The following RIMKLB variants were observed in gnomAD, a reference collection of about 807,000 sequenced individuals.
The protein encoded by RIMKLB is beta-citrylglutamate synthase B.
A neutral mutation model predicts 32.0 loss-of-function variants in RIMKLB; 7 were observed. That is an observed-to-expected ratio of 0.22 (90% CI 0.12 to 0.41). The LOEUF is 0.41. Ranked by LOEUF, RIMKLB falls within the 10% of genes least tolerant of loss-of-function variation. The pLI, the probability that RIMKLB is intolerant of heterozygous loss-of-function variation, is 1.00. For synonymous variants in RIMKLB, 172 were observed against 185.1 expected (o/e 0.93, Z 0.57); for missense variants, 289 against 498.7 (o/e 0.58, Z 4.00).
intron 2 of RIMKLB, among the ~76,000 whole-genome samples, chr12:8,740,330 T>C (rs1367396418): frequency 2.6e-5 from 4 of 152,264 alleles, no homozygotes; most frequent in African/African-American, 7.2e-5. Context: ...ATGGTCATTA[T>C]AGACTTATTT....
chr12:8,695,395 G>A, upstream of RIMKLB, among the ~76,000 whole-genome samples: 1 of 152,194 alleles, frequency 6.6e-6, no homozygotes, highest in South Asian at 2.1e-4. Context: ...ATGACTGAAT[G>A]TATGTACAGC....
At chr12:8,707,014 C>T (rs974368574) in intron 1 of RIMKLB, among the ~76,000 whole-genome samples, 1 of 152,098 alleles carries the variant, frequency 6.6e-6, no homozygotes, top group East Asian at 1.9e-4. Context: ...GAAAAAGAGG[C>T]TTGATAGCAT....
chr12:8,773,565 G>C lies in RIMKLB; in HGVS notation c.942G>C (p.Arg314=). Residue 314 remains arginine, a synonymous_variant, in exon 6 of 6, where the codon CGG becomes CGC. Coordinates refer to ENST00000535829, the MANE Select transcript of RIMKLB (RefSeq NM_001297776.2). ...TTCTACCCTCTGGCCGGCTCACCCGGCGTATGTCCCTGCTCTCCGTGGTGT... is the reference window on the plus strand; with the variant it reads ...TTCTACCCTCTGGCCGGCTCACCCGCCGTATGTCCCTGCTCTCCGTGGTGT... The part of the protein sequence containing the change: ...ASLLPSGRLT[R]RMSLLSVVST... 1.5e-5 allele frequency: 24 copies of C among 1,614,284 alleles called. No homozygotes were observed. Among genetic ancestry groups the C allele is most frequent in the Non-Finnish European group, 2.0e-5 (24 of 1,180,058 alleles).
At chr12:8,685,995 A>T (rs751493131) in intron 1 of RIMKLB, among the ~76,000 whole-genome samples, 1 of 151,910 alleles carries the variant, frequency 6.6e-6, no homozygotes, top group Non-Finnish European at 1.5e-5. Context: ...TTCAGTAGAG[A>T]CGGGGTTTCA....
intron 5 of RIMKLB, among the ~76,000 whole-genome samples, chr12:8,769,359 G>A (rs1432873244): frequency 6.6e-6 from 1 of 151,814 alleles, no homozygotes; most frequent in African/African-American, 2.4e-5. Flanking sequence ...TGTATATATG[G>A]ATATATACTC....
chr12:8,744,763 T>G (rs1402503057), intron 2 of RIMKLB, among the ~76,000 whole-genome samples: 1 of 151,744 alleles, frequency 6.6e-6, no homozygotes. Flanking sequence ...TAGGTTCAAG[T>G]GTACCTCCTG....
intron 3 of RIMKLB, 118 bp downstream of exon 3, chr12:8,750,210 G>A (rs1948498541): frequency 5.3e-6 from 3 of 570,138 alleles, no homozygotes; most frequent in East Asian, 5.5e-5. Flanking sequence ...TAACACACTG[G>A]ACAGGATAAT....
At chr12:8,700,874 T>A in intron 1 of RIMKLB, among the ~76,000 whole-genome samples, 1 of 152,108 alleles carries the variant, frequency 6.6e-6, no homozygotes, top group East Asian at 1.9e-4. Context: ...GAAACCAGCC[T>A]GGCCAACATG....
At chr12:8,733,298 G>A (rs762599728) in intron 2 of RIMKLB, among the ~76,000 whole-genome samples, 10 of 144,134 alleles carry the variant, frequency 6.9e-5, no homozygotes, top group African/African-American at 2.1e-4. Context: ...AATGCTTCTT[G>A]TTAAAGCAAA....
the RIMKLB span, among the ~76,000 whole-genome samples, chr12:8,669,220 G>C: frequency 1.3e-5 from 2 of 152,026 alleles, no homozygotes; most frequent in African/African-American, 4.8e-5. Context: ...CAAGAGAGAG[G>C]GGAGGGAGGA....
upstream of RIMKLB, among the ~76,000 whole-genome samples, chr12:8,692,982 G>A (rs1942776352): frequency 6.6e-6 from 1 of 152,162 alleles, no homozygotes; most frequent in Non-Finnish European, 1.5e-5. Flanking sequence ...ACTATTTTAG[G>A]TACTGATGAT....
At chr12:8,673,746 C>T in the RIMKLB span, among the ~76,000 whole-genome samples, 2 of 152,010 alleles carry the variant, frequency 1.3e-5, no homozygotes, top group Non-Finnish European at 2.9e-5. Flanking sequence ...CAGGTGCGTG[C>T]CACCATGCCT....
chr12:8,760,899 C>T (rs1023638326), intron 5 of RIMKLB, among the ~76,000 whole-genome samples: 5 of 152,104 alleles, frequency 3.3e-5, no homozygotes, highest in African/African-American at 1.2e-4. Flanking sequence ...GTTGCCTGTT[C>T]ACTCTGATGG....
chr12:8,727,235 G>A (rs969444141), intron 2 of RIMKLB, among the ~76,000 whole-genome samples: 2 of 152,084 alleles, frequency 1.3e-5, no homozygotes, highest in Admixed American at 6.5e-5. Context: ...TGTTGTTGTT[G>A]TTATTATTGT....
chr12:8,670,614 T>G, the RIMKLB span, among the ~76,000 whole-genome samples: 357 of 152,226 alleles, frequency 2.3e-3, 4 homozygotes, highest in East Asian at 0.042. Context: ...CACAGGCTGG[T>G]GTTGAGTGTC....
chr12:8,729,677 C>G (rs1946364142), intron 2 of RIMKLB, among the ~76,000 whole-genome samples: 1 of 152,166 alleles, frequency 6.6e-6, no homozygotes, highest in African/African-American at 2.4e-5. Context: ...GATCTGCCCT[C>G]TTTTGTCCAG....
At chr12:8,673,529 A>G in the RIMKLB span, among the ~76,000 whole-genome samples, 1 of 151,888 alleles carries the variant, frequency 6.6e-6, no homozygotes, top group Non-Finnish European at 1.5e-5. Context: ...GGGAATCCCA[A>G]ATAGGGTTGT....
At position 8,774,953 on chromosome 12, in the gene RIMKLB, A is replaced by AT. The variant is rs756262533; in HGVS notation, c.*1169_*1170insT. Reference sequence around the variant, plus strand: ...CAACTAATCAAAAAGGATAATTTAGAAAATGGAGCATGATGGGAAACAGAG... The same window carrying AT: ...CAACTAATCAAAAAGGATAATTTAGATAAATGGAGCATGATGGGAAACAGAG... On this transcript the variant is annotated 3_prime_UTR_variant, in exon 6 of 6. Transcript: ENST00000535829. 9.7e-5 allele frequency: 96 copies of AT among 985,690 alleles called. No homozygotes were observed. The highest frequency in any genetic ancestry group is 1.0e-4 in the Non-Finnish European group (86 of 829,916). 61.1% of individuals were successfully genotyped at this position (985,690 alleles called of 1,614,324 possible). A position where few individuals can be genotyped will look rare whatever the true frequency, so the allele number is the denominator to read the frequency against.
chr12:8,781,046 A>G (rs1951002766), downstream of RIMKLB, among the ~76,000 whole-genome samples: 1 of 152,204 alleles, frequency 6.6e-6, no homozygotes, highest in Non-Finnish European at 1.5e-5. Flanking sequence ...ATTTTATACA[A>G]ATAAAAGGTT....
Sources: gnomAD v4.1 joint callset for allele counts (sites outside exome capture counted in the v4.1 genomes callset) on GRCh38, gnomAD v4.1.1 for gene constraint, MANE v1.5 for transcripts, NCBI Gene and HGNC (gene_info 2026-07-23, HGNC 2026-07-21) for gene names.